GDA: variants seen among roughly 807,000 people sequenced by gnomAD.
GDA encodes the protein cytoplasmic PSD-95 interactor.
In GDA, 18 loss-of-function variants were observed where a neutral mutation model predicts 59.6. The observed-to-expected ratio is 0.30, with a 90% confidence interval of 0.21 to 0.45. The LOEUF is 0.45. Among genes scored for constraint, GDA ranks in the 20% least tolerant of loss-of-function variants. The pLI is 1.00. For missense variants in GDA, 427 were observed against 552.3 expected, an observed-to-expected ratio of 0.77 and a Z score of 2.27; for synonymous variants, 201 against 201.1, an observed-to-expected ratio of 1.00 and a Z score of 0.00.
intron 10 of GDA, among the ~76,000 whole-genome samples, chr9:72,240,896 G>T (rs1467889248): frequency 1.3e-5 from 2 of 152,170 alleles, no homozygotes; most frequent in Non-Finnish European, 2.9e-5. Context: ...ATAAATTTCT[G>T]CTGTTTTAAG....
At chr9:72,185,577 T>C (rs1831767164) in intron 1 of GDA, among the ~76,000 whole-genome samples, 1 of 152,180 alleles carries the variant, frequency 6.6e-6, no homozygotes, top group South Asian at 2.1e-4. Flanking sequence ...CTTCAAGAAA[T>C]TTTGAGACCT....
chr9:72,180,833 AT>A (rs1402999170), intron 1 of GDA, among the ~76,000 whole-genome samples: 1 of 152,244 alleles, frequency 6.6e-6, no homozygotes, highest in Non-Finnish European at 1.5e-5. Context: ...TTTCAAGTAT[AT>A]TCAAGGGTTG....
intron 10 of GDA, among the ~76,000 whole-genome samples, chr9:72,232,968 A>C (rs190424878): frequency 8.5e-5 from 13 of 152,338 alleles, no homozygotes; most frequent in Admixed American, 6.5e-4. Flanking sequence ...CTTAAAAAGG[A>C]AAGGGCGAAG....
downstream of GDA, among the ~76,000 whole-genome samples, chr9:72,258,248 G>A (rs1385381077): frequency 6.6e-6 from 1 of 152,052 alleles, no homozygotes. Flanking sequence ...GAGAGGTTGT[G>A]GCTGCAGTGA....
chr9:72,204,089 A>G (rs1385747340), intron 3 of GDA, among the ~76,000 whole-genome samples: 3 of 152,164 alleles, frequency 2.0e-5, no homozygotes, highest in Non-Finnish European at 4.4e-5. Flanking sequence ...TGTCAGGATT[A>G]CAGGCATGAG....
chr9:72,149,463 C>A lies in GDA; in HGVS notation c.-97C>A. The A allele has an allele frequency of 1.4e-6, 2 of 1,450,362 alleles. No homozygotes were observed. Among genetic ancestry groups the A allele is most frequent in the Non-Finnish European group, 1.9e-6 (2 of 1,076,702 alleles). The allele number at this position is 1,450,362 out of a possible 1,614,324, so 89.8% of individuals were successfully genotyped here. A position where few individuals can be genotyped will look rare whatever the true frequency, so the allele number is the denominator to read the frequency against. ...GCAGGACAAGGCCGGAGCCTGTGTC[C>A]GCCCGGCAGCCGCCCGCAGCTGCAG... On this transcript the variant is annotated 5_prime_UTR_variant, in exon 1 of 14. Transcript: ENST00000358399.
intron 12 of GDA, 59 bp from the exon 13 acceptor site, chr9:72,247,347 A>C: frequency 1.0e-6 from 1 of 1,004,996 alleles, no homozygotes; most frequent in Non-Finnish European, 1.6e-6. Flanking sequence ...ATCAGCTGTG[A>C]ATTTACTTTT....
At chr9:72,181,583 C>T (rs1284526226) in intron 1 of GDA, among the ~76,000 whole-genome samples, 1 of 152,206 alleles carries the variant, frequency 6.6e-6, no homozygotes, top group African/African-American at 2.4e-5. Context: ...CCTTGGCCTC[C>T]CAAAGTGCTG....
chr9:72,219,345 G>A (rs1008259886), intron 5 of GDA, 134 bp from the exon 6 acceptor site: 2 of 600,414 alleles, frequency 3.3e-6, no homozygotes, highest in Non-Finnish European at 5.7e-6. Flanking sequence ...GGAGCTTGCA[G>A]TGAGCCGAGA....
chr9:72,129,421 C>T (rs1012362297), intron 1 of GDA, among the ~76,000 whole-genome samples: 5 of 152,172 alleles, frequency 3.3e-5, no homozygotes, highest in Admixed American at 6.5e-5. Context: ...TGAGTTTGCT[C>T]GCCTCACTCC....
intron 3 of GDA, among the ~76,000 whole-genome samples, chr9:72,208,484 A>T (rs188782086): frequency 6.6e-6 from 1 of 152,118 alleles, no homozygotes; most frequent in East Asian, 1.9e-4. Context: ...TTTCTTGAAG[A>T]TCTTCTCACC....
At chr9:72,154,783 G>T (rs891258387) in intron 1 of GDA, among the ~76,000 whole-genome samples, 1 of 152,328 alleles carries the variant, frequency 6.6e-6, no homozygotes, top group Admixed American at 6.5e-5. Flanking sequence ...TCTCTTTACT[G>T]TCGCTGACTG....
chr9:72,185,543 G>A (rs1831761826), intron 1 of GDA, among the ~76,000 whole-genome samples: 1 of 151,990 alleles, frequency 6.6e-6, no homozygotes, highest in Admixed American at 6.6e-5. Flanking sequence ...AGCTAATACG[G>A]CAATTTTTGT....
chr9:72,246,585 T>C (rs894536476), intron 12 of GDA, among the ~76,000 whole-genome samples: 3 of 151,816 alleles, frequency 2.0e-5, no homozygotes, highest in Admixed American at 2.0e-4. Flanking sequence ...GGACAAAGAG[T>C]GTGGTCCAGT....
intron 10 of GDA, among the ~76,000 whole-genome samples, chr9:72,238,858 A>AATT (rs1839302944): frequency 6.6e-6 from 1 of 152,146 alleles, no homozygotes; most frequent in South Asian, 2.1e-4. Flanking sequence ...TATGTAACTG[A>AATT]ATTTTCTCTG....
intron 1 of GDA, among the ~76,000 whole-genome samples, chr9:72,172,876 G>A (rs889366360): frequency 6.6e-6 from 1 of 151,770 alleles, no homozygotes; most frequent in Non-Finnish European, 1.5e-5. Flanking sequence ...TTATTTGAGT[G>A]CCTTTATATG....
intron 2 of GDA, among the ~76,000 whole-genome samples, chr9:72,202,032 A>G (rs1834064861): frequency 1.3e-5 from 2 of 151,960 alleles, no homozygotes; most frequent in African/African-American, 2.4e-5. Flanking sequence ...CTATTTCAGA[A>G]CTCAGTTTCT....
intron 1 of GDA, among the ~76,000 whole-genome samples, chr9:72,176,843 C>A (rs1243499752): frequency 6.6e-6 from 1 of 152,238 alleles, no homozygotes; most frequent in East Asian, 1.9e-4. Context: ...AGCTTCCTCT[C>A]GTGTTTTAAT....
intron 1 of GDA, among the ~76,000 whole-genome samples, chr9:72,118,508 C>T (rs897162994): frequency 6.6e-6 from 1 of 152,048 alleles, no homozygotes; most frequent in African/African-American, 2.4e-5. Context: ...TATTTCAACT[C>T]TATCTCTAAA....
Sources: allele counts gnomAD v4.1 joint callset (sites outside exome capture counted in the v4.1 genomes callset), GRCh38; gene constraint gnomAD v4.1.1; transcripts MANE v1.5; gene names NCBI Gene and HGNC (gene_info 2026-07-23, HGNC 2026-07-21).